The following MCTP1 variants were observed in gnomAD, a reference collection of about 807,000 sequenced individuals.
The protein encoded by MCTP1 is multiple C2 and transmembrane domain-containing protein 1.
In MCTP1, 69 loss-of-function variants were observed where a neutral mutation model predicts 120.6. The ratio of observed to expected loss-of-function variants is 0.57; its 90% CI spans 0.47 to 0.70. The LOEUF is 0.70. MCTP1 is among the 30% of genes least tolerant of loss of function. The pLI, the probability that MCTP1 is intolerant of heterozygous loss-of-function variation, is 0.00. For missense variants in MCTP1, 1,203 were observed against 1,248.8 expected, an observed-to-expected ratio of 0.96 and a Z score of 0.55; for synonymous variants, 529 against 493.1, an observed-to-expected ratio of 1.07 and a Z score of -0.96.
At chr5:95,172,882 A>G (rs1429224473) in intron 1 of MCTP1, among the ~76,000 whole-genome samples, 1 of 152,170 alleles carries the variant, frequency 6.6e-6, no homozygotes, top group East Asian at 1.9e-4. Context: ...AGAACACAAT[A>G]AACACCCTAG....
intron 1 of MCTP1, among the ~76,000 whole-genome samples, chr5:95,259,985 G>A (rs141642836): frequency 6.6e-6 from 1 of 152,260 alleles, no homozygotes; most frequent in East Asian, 1.9e-4. Context: ...ACTGCATACT[G>A]AATGTTATGT....
intron 2 of MCTP1, among the ~76,000 whole-genome samples, chr5:94,994,396 C>A (rs887822335): frequency 1.3e-5 from 2 of 152,130 alleles, no homozygotes; most frequent in African/African-American, 4.8e-5. Flanking sequence ...AGAGTGTGAT[C>A]AAAACTCTTA....
intron 12 of MCTP1, among the ~76,000 whole-genome samples, chr5:94,874,449 C>T (rs1184938048): frequency 1.3e-5 from 2 of 152,058 alleles, no homozygotes; most frequent in Non-Finnish European, 2.9e-5. Context: ...AATTTATTAA[C>T]TTTATATTAA....
At chr5:94,784,297 C>T (rs1777167455) in intron 18 of MCTP1, among the ~76,000 whole-genome samples, 1 of 152,108 alleles carries the variant, frequency 6.6e-6, no homozygotes, top group South Asian at 2.1e-4. Flanking sequence ...CCAAGCAGAA[C>T]ATGCATTTAT....
intron 1 of MCTP1, among the ~76,000 whole-genome samples, chr5:95,143,495 G>A (rs1760111897): frequency 6.6e-6 from 1 of 151,988 alleles, no homozygotes; most frequent in African/African-American, 2.4e-5. Context: ...TCCATGGTTT[G>A]GGGTACAGAT....
chr5:95,105,920 G>A (rs951118693), intron 1 of MCTP1, among the ~76,000 whole-genome samples: 4 of 152,102 alleles, frequency 2.6e-5, no homozygotes, highest in African/African-American at 9.7e-5. Flanking sequence ...AGGTTTCGAG[G>A]CTCAGAAACT....
chr5:94,859,092 A>C (rs958919647), intron 17 of MCTP1, among the ~76,000 whole-genome samples: 1 of 151,714 alleles, frequency 6.6e-6, no homozygotes, highest in Non-Finnish European at 1.5e-5. Flanking sequence ...TTTTAACTAC[A>C]TATCAGCCAA....
intron 1 of MCTP1, among the ~76,000 whole-genome samples, chr5:95,266,471 C>T (rs1044750985): frequency 1.3e-5 from 2 of 152,142 alleles, no homozygotes; most frequent in African/African-American, 2.4e-5. Flanking sequence ...CCAAATAGAA[C>T]GAGAATTACT....
At chr5:95,219,524 T>A (rs1753447144) in intron 1 of MCTP1, among the ~76,000 whole-genome samples, 1 of 152,172 alleles carries the variant, frequency 6.6e-6, no homozygotes, top group African/African-American at 2.4e-5. Context: ...TGAATTAAAT[T>A]TGGCAAGCTG....
At chr5:95,248,932 A>G (rs371922275) in intron 1 of MCTP1, among the ~76,000 whole-genome samples, 249 of 152,312 alleles carry the variant, frequency 1.6e-3, no homozygotes, top group Non-Finnish European at 3.0e-3. Context: ...TGTTTAATAA[A>G]TGGTGCTGGG....
chr5:94,915,941 G>A (rs1244899453), intron 8 of MCTP1, among the ~76,000 whole-genome samples: 1 of 152,090 alleles, frequency 6.6e-6, no homozygotes, highest in Non-Finnish European at 1.5e-5. Context: ...GTGGGAGGAA[G>A]GAGAACATTT....
At chr5:95,190,081 C>G (rs1240588877) in intron 1 of MCTP1, among the ~76,000 whole-genome samples, 1 of 152,048 alleles carries the variant, frequency 6.6e-6, no homozygotes, top group African/African-American at 2.4e-5. Context: ...TTATTAATGG[C>G]CTTCAACTAC....
intron 1 of MCTP1, among the ~76,000 whole-genome samples, chr5:95,033,923 A>G (rs1398410765): frequency 6.6e-6 from 1 of 152,112 alleles, no homozygotes; most frequent in Non-Finnish European, 1.5e-5. Flanking sequence ...CTATACACCA[A>G]TAATGTTCAA....
At chr5:95,041,996 C>G (rs1412580505) in intron 1 of MCTP1, among the ~76,000 whole-genome samples, 1 of 152,164 alleles carries the variant, frequency 6.6e-6, no homozygotes, top group Non-Finnish European at 1.5e-5. Flanking sequence ...CAGCATCTCA[C>G]TTTCTACAGA....
intron 1 of MCTP1, among the ~76,000 whole-genome samples, chr5:95,089,561 A>G (rs758778562): frequency 5.3e-5 from 8 of 152,176 alleles, no homozygotes; most frequent in Non-Finnish European, 1.2e-4. Flanking sequence ...TGTGAAGCGA[A>G]GTTTTCTATT....
chr5:94,760,692 GT>G (rs5869649), intron 19 of MCTP1, among the ~76,000 whole-genome samples: 6,593 of 145,434 alleles, frequency 0.045, 460 homozygotes, highest in African/African-American at 0.15. Flanking sequence ...CAACAAAATT[GT>G]TTTTTTTTTT....
At chr5:94,735,769 A>G (rs575124835) in intron 19 of MCTP1, among the ~76,000 whole-genome samples, 6 of 135,268 alleles carry the variant, frequency 4.4e-5, no homozygotes, top group Admixed American at 7.9e-5. Context: ...AATTTCCACC[A>G]AAATTGCTAC....
intron 17 of MCTP1, chr5:94,867,358 C>T (rs755420385): frequency 2.6e-6 from 4 of 1,532,922 alleles, no homozygotes; most frequent in Middle Eastern, 3.3e-4. Context: ...TGTGCTCAGA[C>T]ATTAATGAAA....
intron 17 of MCTP1, among the ~76,000 whole-genome samples, chr5:94,803,826 C>A (rs1251510201): frequency 6.6e-6 from 1 of 152,090 alleles, no homozygotes; most frequent in African/African-American, 2.4e-5. Flanking sequence ...AGTGATGACC[C>A]CGATTTTTCC....
Sources: allele counts gnomAD v4.1 joint callset (sites outside exome capture counted in the v4.1 genomes callset), GRCh38; gene constraint gnomAD v4.1.1; transcripts MANE v1.5; gene names NCBI Gene and HGNC (gene_info 2026-07-23, HGNC 2026-07-21).